FHIT: variants seen among roughly 807,000 people sequenced by gnomAD.
FHIT encodes bis(5'-adenosyl)-triphosphatase.
FHIT carries 19 observed loss-of-function variants against 17.9 expected under a neutral mutation model. The ratio of observed to expected loss-of-function variants is 1.06; its 90% CI spans 0.74 to 1.56. The LOEUF (loss-of-function observed/expected upper bound fraction) is 1.56, where lower values mean the gene tolerates loss of function less well. Among genes scored for constraint, FHIT ranks in the 40% most tolerant of loss-of-function variants. The pLI, the probability that FHIT is intolerant of heterozygous loss-of-function variation, is 0.00. For missense variants in FHIT, 248 were observed against 189.2 expected (o/e 1.31, Z -1.82); for synonymous variants, 81 against 69.7 (o/e 1.16, Z -0.81).
chr3:60,445,805 T>C (rs1165616611), intron 5 of FHIT, among the ~76,000 whole-genome samples: 4 of 151,256 alleles, frequency 2.6e-5, no homozygotes, highest in Non-Finnish European at 2.9e-5. Context: ...AAAAAAATCA[T>C]CCATTTCTGT....
intron 5 of FHIT, among the ~76,000 whole-genome samples, chr3:60,023,451 A>T (rs191300315): frequency 1.3e-5 from 2 of 152,264 alleles, no homozygotes; most frequent in East Asian, 3.9e-4. Context: ...CATAGACAGG[A>T]TTCTTCCAGT....
intron 2 of FHIT, among the ~76,000 whole-genome samples, chr3:61,060,606 C>G (rs2106695278): frequency 6.6e-6 from 1 of 152,362 alleles, no homozygotes; most frequent in South Asian, 2.1e-4. Context: ...GCCATCATAT[C>G]TTCTCCAGCT....
intron 4 of FHIT, among the ~76,000 whole-genome samples, chr3:60,598,346 T>G (rs559145252): frequency 6.6e-6 from 1 of 152,294 alleles, no homozygotes; most frequent in East Asian, 1.9e-4. Context: ...CTCTCAGAAT[T>G]ATTAATAAAC....
At chr3:60,537,407 G>A in intron 4 of FHIT, 1 of 876,800 alleles carries the variant, frequency 1.1e-6, no homozygotes. Flanking sequence ...TCTCTCAAAT[G>A]GTTTTGTGTT....
intron 7 of FHIT, among the ~76,000 whole-genome samples, chr3:59,939,984 G>T (rs960669854): frequency 2.6e-5 from 4 of 152,116 alleles, no homozygotes; most frequent in Non-Finnish European, 4.4e-5. Flanking sequence ...GAAGGTTCAG[G>T]TCCTTAACCT....
chr3:60,443,754 C>T (rs2031104391), intron 5 of FHIT, among the ~76,000 whole-genome samples: 1 of 151,970 alleles, frequency 6.6e-6, no homozygotes, highest in African/African-American at 2.4e-5. Flanking sequence ...TGTGTCTCTG[C>T]CAGGCTTTGG....
At chr3:61,025,231 G>A (rs921237349) in intron 3 of FHIT, among the ~76,000 whole-genome samples, 1 of 152,168 alleles carries the variant, frequency 6.6e-6, no homozygotes, top group Non-Finnish European at 1.5e-5. Context: ...GTTATGGGCT[G>A]TAGGACAGAG....
chr3:60,967,270 A>T (rs1213933563), intron 3 of FHIT, among the ~76,000 whole-genome samples: 5 of 152,190 alleles, frequency 3.3e-5, no homozygotes, highest in Non-Finnish European at 7.4e-5. Context: ...GAACAAAAGA[A>T]ACAGTTCTGT....
chr3:60,202,744 G>C (rs762685405), intron 5 of FHIT, among the ~76,000 whole-genome samples: 2 of 152,110 alleles, frequency 1.3e-5, no homozygotes, highest in African/African-American at 2.4e-5. Flanking sequence ...ATAAGGCCAA[G>C]AATCATCAAC....
chr3:59,897,130 T>A (rs1049232457), intron 8 of FHIT, among the ~76,000 whole-genome samples: 5 of 152,254 alleles, frequency 3.3e-5, no homozygotes, highest in Non-Finnish European at 1.5e-5. Context: ...TCTTGGGGTA[T>A]CTGTGTCCTT....
chr3:59,872,726 T>G (rs1171205561), intron 8 of FHIT, among the ~76,000 whole-genome samples: 1 of 152,224 alleles, frequency 6.6e-6, no homozygotes, highest in African/African-American at 2.4e-5. Flanking sequence ...CCCTTTATCC[T>G]ATAGCTGTAG....
At chr3:60,197,184 T>A (rs924806102) in intron 5 of FHIT, among the ~76,000 whole-genome samples, 2 of 152,174 alleles carry the variant, frequency 1.3e-5, no homozygotes, top group Non-Finnish European at 2.9e-5. Context: ...ATGCCACAGC[T>A]TGGAACTATT....
At chr3:60,324,443 G>A (rs1045060430) in intron 5 of FHIT, among the ~76,000 whole-genome samples, 1 of 152,040 alleles carries the variant, frequency 6.6e-6, no homozygotes, top group African/African-American at 2.4e-5. Flanking sequence ...AAATTAGCCG[G>A]GCGTGGTGGC....
At chr3:60,627,310 T>G in intron 4 of FHIT, among the ~76,000 whole-genome samples, 1 of 152,176 alleles carries the variant, frequency 6.6e-6, no homozygotes, top group Non-Finnish European at 1.5e-5. Flanking sequence ...TTGTGGGTAG[T>G]TTTTTATTAT....
intron 5 of FHIT, among the ~76,000 whole-genome samples, chr3:60,366,293 A>G (rs1460454072): frequency 6.6e-6 from 1 of 152,092 alleles, no homozygotes; most frequent in Admixed American, 6.6e-5. Context: ...CTCCTGCCTC[A>G]GCCTCATGAG....
chr3:59,877,374 G>A (rs1003437081), intron 8 of FHIT, among the ~76,000 whole-genome samples: 2 of 152,134 alleles, frequency 1.3e-5, no homozygotes, highest in South Asian at 2.1e-4. Context: ...TTGGAAAACT[G>A]AGTGGGTGCT....
At chr3:59,814,636 T>G (rs1459032131) in intron 8 of FHIT, among the ~76,000 whole-genome samples, 1 of 152,216 alleles carries the variant, frequency 6.6e-6, no homozygotes, top group Non-Finnish European at 1.5e-5. Context: ...TAGGTCCTAT[T>G]TCTTTCCTAG....
chr3:60,401,779 G>A (rs1304143995), intron 5 of FHIT, among the ~76,000 whole-genome samples: 1 of 152,070 alleles, frequency 6.6e-6, no homozygotes, highest in Non-Finnish European at 1.5e-5. Context: ...AAAGCAGTTG[G>A]ACAGAAAAGA....
At chr3:59,937,886 A>T (rs1706319329) in intron 7 of FHIT, among the ~76,000 whole-genome samples, 1 of 152,192 alleles carries the variant, frequency 6.6e-6, no homozygotes, top group South Asian at 2.1e-4. Context: ...AAGCAGAATC[A>T]TCTTTTTAAG....
Sources: allele counts gnomAD v4.1 joint callset (sites outside exome capture counted in the v4.1 genomes callset), GRCh38; gene constraint gnomAD v4.1.1; transcripts MANE v1.5; gene names NCBI Gene and HGNC (gene_info 2026-07-23, HGNC 2026-07-21).